Variants in ITPR1 observed in about 807,000 individuals in gnomAD.
ITPR1 encodes the protein inositol 1,4,5-trisphosphate receptor type 1, also known as inositol 1,4,5-trisphosphate-gated calcium channel ITPR1.
A neutral mutation model predicts 318.4 loss-of-function variants in ITPR1; 96 were observed. The ratio of observed to expected loss-of-function variants is 0.30; its 90% CI spans 0.26 to 0.36. The LOEUF is 0.36. Ranked by LOEUF, ITPR1 falls within the 10% of genes least tolerant of loss-of-function variation. The pLI is 1.00. For synonymous variants in ITPR1, 1,312 were observed against 1,289.9 expected, an observed-to-expected ratio of 1.02 and a Z score of -0.37; for missense variants, 2,440 against 3,460.2, an observed-to-expected ratio of 0.71 and a Z score of 7.40.
intron 4 of ITPR1, among the ~76,000 whole-genome samples, chr3:4,531,359 A>C (rs304061): frequency 0.35 from 52,757 of 151,954 alleles, 9,951 homozygotes; most frequent in African/African-American, 0.51. Context: ...AACATTTCTC[A>C]CCAAAGTTGC....
intron 58 of ITPR1, 49 bp downstream of exon 58, chr3:4,814,611 G>GGCAATGGGGGGGGGGGGGGGGGT: frequency 1.4e-6 from 1 of 707,948 alleles, no homozygotes; most frequent in Non-Finnish European, 2.4e-6. Context: ...GGGTGGGGTG[G>GGCAATGGGGGGGGGGGGGGGGGT]TTGGTGGGAG....
In ITPR1 at chr3:4,757,433, G is replaced by A. The variant is rs559675587; in HGVS notation, c.5545-9097G>A. On this transcript the variant is annotated intron_variant, in intron 44 of 61. Coordinates refer to ENST00000649015, the MANE Select transcript of ITPR1 (RefSeq NM_001378452.1). ...TCTGCCACTATTCTTTACTGTGAGA[G>A]GAGCCTGTTTATGCCTCTGAAAGAC... is the stretch of plus-strand genomic sequence containing the variant. Among the ~76,000 whole-genome samples, 10 of 152,328 alleles carry A rather than the reference G, an allele frequency of 6.6e-5. No homozygotes were observed. In the South Asian group the frequency reaches 1.9e-3, roughly 28 times the overall value.
Position 4,830,958 on chromosome 3 carries a change from T to G in ITPR1, c.8029-5816T>G, listed in dbSNP as rs1023669398. ...ACGTAAAACTCTACCTGAGCAGACT[T>G]TCTCTGAGGAGGTGATTGATTACTC... On this transcript the variant is annotated intron_variant, in intron 60 of 61. Transcript: ENST00000649015. 2.2e-5 allele frequency: 10 copies of G among 456,536 alleles called. 2 individuals are homozygous for G. In the Middle Eastern group the frequency reaches 1.6e-3, roughly 74 times the overall value. 28.3% of individuals were successfully genotyped at this position (456,536 alleles called of 1,614,324 possible).
At chr3:4,814,680 C>CT in intron 58 of ITPR1, 118 bp downstream of exon 58, 2 of 907,286 alleles carry the variant, frequency 2.2e-6, no homozygotes, top group Non-Finnish European at 3.3e-6. Flanking sequence ...GGGAGTAGGG[C>CT]TGAGTAGCTG....
At chr3:4,585,392 A>G (rs1010111158) in intron 4 of ITPR1, among the ~76,000 whole-genome samples, 1 of 152,066 alleles carries the variant, frequency 6.6e-6, no homozygotes, top group Non-Finnish European at 1.5e-5. Flanking sequence ...TCTTTGTCAT[A>G]CTAATTATGA....
chr3:4,750,649 T>C (rs2044433374), intron 44 of ITPR1: 1 of 152,092 alleles, frequency 6.6e-6, no homozygotes, highest in African/African-American at 2.4e-5. Flanking sequence ...TGGACTGCGT[T>C]GTTGCTATGG....
At chr3:4,657,691 C>T (rs752270130) in intron 12 of ITPR1, among the ~76,000 whole-genome samples, 36 of 117,094 alleles carry the variant, frequency 3.1e-4, no homozygotes, top group Admixed American at 8.5e-4. Flanking sequence ...CTTGAACTCC[C>T]GAACTGAGGT....
At chr3:4,533,403 AC>A (rs2083581270) in intron 4 of ITPR1, among the ~76,000 whole-genome samples, 2 of 152,070 alleles carry the variant, frequency 1.3e-5, no homozygotes, top group African/African-American at 4.8e-5. Flanking sequence ...AAGTCATTTA[AC>A]CTGTCTATGC....
At chr3:4,585,220 T>C (rs2089769598) in intron 4 of ITPR1, among the ~76,000 whole-genome samples, 1 of 152,196 alleles carries the variant, frequency 6.6e-6, no homozygotes, top group Non-Finnish European at 1.5e-5. Context: ...TATGAACCTA[T>C]TTGCCTAATG....
chr3:4,719,385 G>A (rs182153136), intron 40 of ITPR1, among the ~76,000 whole-genome samples: 112 of 152,294 alleles, frequency 7.4e-4, no homozygotes, highest in Non-Finnish European at 1.2e-3. Context: ...AATTGATGCC[G>A]TTCTGGAAGC....
intron 4 of ITPR1, among the ~76,000 whole-genome samples, chr3:4,599,580 T>A (rs1422239838): frequency 2.0e-5 from 3 of 152,174 alleles, no homozygotes; most frequent in Non-Finnish European, 4.4e-5. Context: ...AGTTCTTGAG[T>A]GATGGCTGTA....
intron 40 of ITPR1, among the ~76,000 whole-genome samples, chr3:4,724,189 C>T (rs2042351973): frequency 6.6e-6 from 1 of 152,152 alleles, no homozygotes; most frequent in East Asian, 1.9e-4. Flanking sequence ...CAGGAAAGGT[C>T]GTCTGTCCAG....
intron 17 of ITPR1, among the ~76,000 whole-genome samples, chr3:4,665,927 A>G (rs545363033): frequency 6.6e-6 from 1 of 152,266 alleles, no homozygotes; most frequent in East Asian, 1.9e-4. Context: ...CCCCCAAAGA[A>G]TATTTGGCAA....
chr3:4,595,320 A>G (rs112404295), intron 4 of ITPR1, among the ~76,000 whole-genome samples: 3,536 of 152,288 alleles, frequency 0.023, 144 homozygotes, highest in African/African-American at 0.077. Context: ...CTCATCTTAC[A>G]TGGCCAGAGT....
chr3:4,660,691 C>A (rs1234927672), intron 13 of ITPR1, among the ~76,000 whole-genome samples: 2 of 151,980 alleles, frequency 1.3e-5, no homozygotes, highest in African/African-American at 4.8e-5. Context: ...TAAATACTTC[C>A]TGTTGCTCTG....
chr3:4,697,132 C>A lies in ITPR1; in HGVS notation c.4282-15C>A. ...CCAAGATGGTTTTTCAGAAAAGCTT[C>A]TTTCTATCTTGCAGGTTAAAATTGC... is the stretch of plus-strand genomic sequence containing the variant. On this transcript the variant is annotated splice_polypyrimidine_tract_variant and intron_variant, in intron 33 of 61. Transcript: ENST00000649015. The A allele has an allele frequency of 6.2e-7, 1 of 1,609,112 alleles. No homozygotes were observed. Among genetic ancestry groups the A allele is most frequent in the Non-Finnish European group, 8.5e-7 (1 of 1,177,314 alleles).
chr3:4,543,599 C>T (rs755349236), intron 4 of ITPR1, among the ~76,000 whole-genome samples: 3 of 152,178 alleles, frequency 2.0e-5, no homozygotes, highest in Non-Finnish European at 4.4e-5. Flanking sequence ...CGTGCCACCA[C>T]GCCTGGCTAA....
At chr3:4,748,001 A>G (rs943359973) in intron 44 of ITPR1, among the ~76,000 whole-genome samples, 2 of 152,160 alleles carry the variant, frequency 1.3e-5, no homozygotes, top group African/African-American at 2.4e-5. Flanking sequence ...AAGAATATTC[A>G]TGTTTGGGCG....
At chr3:4,708,033 C>T (rs537329170) in intron 37 of ITPR1, among the ~76,000 whole-genome samples, 2 of 152,026 alleles carry the variant, frequency 1.3e-5, no homozygotes, top group Admixed American at 6.5e-5. Context: ...AAGTGAGGAG[C>T]GCTTGAAAGA....
Sources: gnomAD v4.1 joint callset for allele counts (sites outside exome capture counted in the v4.1 genomes callset) on GRCh38, gnomAD v4.1.1 for gene constraint, MANE v1.5 for transcripts, NCBI Gene and HGNC (gene_info 2026-07-23, HGNC 2026-07-21) for gene names.